ANKFN1: variants seen among roughly 807,000 people sequenced by gnomAD.
ANKFN1 encodes the protein ankyrin repeat and fibronectin type-III domain-containing protein 1.
ANKFN1 carries 74 observed loss-of-function variants against 108.7 expected under a neutral mutation model. That is an observed-to-expected ratio of 0.68 (90% confidence interval 0.56 to 0.83). ANKFN1 has a LOEUF of 0.83. Ranked by LOEUF, ANKFN1 falls within the 40% of genes least tolerant of loss-of-function variation. The pLI is 0.00. For missense variants in ANKFN1, 1,505 were observed against 1,382.3 expected, an observed-to-expected ratio of 1.09 and a Z score of -1.41; for synonymous variants, 547 against 516.2, an observed-to-expected ratio of 1.06 and a Z score of -0.81.
intron 3 of ANKFN1, among the ~76,000 whole-genome samples, chr17:56,251,170 C>A (rs1040596874): frequency 2.0e-5 from 3 of 152,196 alleles, no homozygotes; most frequent in Admixed American, 6.5e-5. Context: ...GTGGGCAGAT[C>A]ATTTGAGTCC....
intron 20 of ANKFN1, among the ~76,000 whole-genome samples, chr17:56,504,967 C>G (rs1318395881): frequency 6.6e-6 from 1 of 152,000 alleles, no homozygotes; most frequent in Non-Finnish European, 1.5e-5. Flanking sequence ...GCCACCGCAC[C>G]CAGCCCACTT....
chr17:56,220,984 A>G (rs935391090), intron 2 of ANKFN1, among the ~76,000 whole-genome samples: 2 of 152,098 alleles, frequency 1.3e-5, no homozygotes, highest in African/African-American at 4.8e-5. Flanking sequence ...AAAGAGGTTT[A>G]ATTGGCTCAT....
intron 3 of ANKFN1, among the ~76,000 whole-genome samples, chr17:56,244,165 A>G (rs1382332087): frequency 6.6e-6 from 1 of 152,150 alleles, no homozygotes; most frequent in Non-Finnish European, 1.5e-5. Flanking sequence ...TTCTCTACTC[A>G]TATCTTGTAA....
chr17:56,152,260 ATATGTGTGTGTGTG>A (rs1372140355), upstream of ANKFN1, among the ~76,000 whole-genome samples: 118 of 128,686 alleles, frequency 9.2e-4, no homozygotes, highest in Middle Eastern at 3.9e-3. Flanking sequence ...ATATATATAT[ATATGTGTGTGTGTG>A]TGTGTGTGTG....
chr17:56,141,948 T>C lies in ANKFN1; in HGVS notation c.289-85969T>C, dbSNP rs529705393. 4.7e-3 allele frequency among the ~76,000 whole-genome samples: 672 copies of C among 144,138 alleles called. 7 individuals are homozygous for C. In the East Asian group the frequency reaches 0.05, roughly 11 times the overall value. 94.6% of individuals were successfully genotyped at this position (144,138 alleles called of 152,430 possible). A position where few individuals can be genotyped will look rare whatever the true frequency, so the allele number is the denominator to read the frequency against. ...CTTTTTTTTTTTTTTTTTTTTTTTT[T>C]GAGATGGAGTCTGGCTCTGTCGCCC... On this transcript the variant is annotated intron_variant, in intron 4 of 12. Transcript: ENST00000635860.
intron 4 of ANKFN1, among the ~76,000 whole-genome samples, chr17:56,109,971 A>G (rs890059768): frequency 6.6e-6 from 1 of 152,224 alleles, no homozygotes; most frequent in African/African-American, 2.4e-5. Context: ...TCATAGGGAC[A>G]TAGAACTTGC....
chr17:56,354,455 G>T (rs1487186626), intron 6 of ANKFN1, among the ~76,000 whole-genome samples: 1 of 152,022 alleles, frequency 6.6e-6, no homozygotes, highest in Non-Finnish European at 1.5e-5. Context: ...CACTGAGTGT[G>T]GGACACTGTT....
At chr17:56,281,248 G>C (rs1483000995) in intron 3 of ANKFN1, among the ~76,000 whole-genome samples, 1 of 152,202 alleles carries the variant, frequency 6.6e-6, no homozygotes, top group Admixed American at 6.5e-5. Context: ...TGTAACACTT[G>C]ACCCTTATTA....
intron 4 of ANKFN1, among the ~76,000 whole-genome samples, chr17:56,064,783 G>A (rs544240395): frequency 2.1e-4 from 32 of 152,352 alleles, no homozygotes; most frequent in East Asian, 1.2e-3. Context: ...GTAGGCTTAA[G>A]CAGATTCCAG....
chr17:56,299,362 A>G (rs1043600805), intron 3 of ANKFN1, among the ~76,000 whole-genome samples: 24 of 152,126 alleles, frequency 1.6e-4, no homozygotes, highest in Non-Finnish European at 4.4e-5. Context: ...CCCAGCAGGA[A>G]GGACTCTGAC....
chr17:56,330,723 TCTTA>T (rs2045640512), intron 4 of ANKFN1, among the ~76,000 whole-genome samples: 1 of 152,156 alleles, frequency 6.6e-6, no homozygotes, highest in South Asian at 2.1e-4. Context: ...TGGGATACTA[TCTTA>T]CTTACTTTTT....
chr17:56,513,856 G>T lies in ANKFN1; in HGVS notation c.*2587G>T, dbSNP rs1567722137. Among the ~76,000 whole-genome samples, 1 of 152,164 alleles carries T rather than the reference G, an allele frequency of 6.6e-6. No individual in the cohort carries two copies. The highest frequency in any genetic ancestry group is 2.4e-5 in the African/African-American group (1 of 41,450). ...TAGCAACATTCTTAAATAAAAGTGG[G>T]TATGTTGTAGCTTCCATAATTAGCT... On this transcript the variant is annotated 3_prime_UTR_variant, in exon 21 of 21. Coordinates refer to ENST00000682825, the MANE Select transcript of ANKFN1 (RefSeq NM_001370326.1).
intron 11 of ANKFN1, among the ~76,000 whole-genome samples, chr17:56,450,277 A>G (rs1170039350): frequency 6.6e-6 from 1 of 152,118 alleles, no homozygotes; most frequent in African/African-American, 2.4e-5. Context: ...AAAGAAAAAA[A>G]AAATCCACAG....
Position 56,196,744 on chromosome 17 carries a change from G to GA in ANKFN1, c.-70-15847dup, listed in dbSNP as rs896712958. On this transcript the variant is annotated intron_variant, in intron 1 of 20. Transcript: ENST00000682825. ...TGACAGAGCAAGACCCTGTCACAAA[G>GA]AAAAAAACAAAAAATCCTGAGAAGG... Among the ~76,000 whole-genome samples the GA allele has an allele frequency of 3.9e-5, 6 of 151,936 alleles. No individual in the cohort carries two copies. The South Asian group carries it at 6.2e-4, about 16-fold the overall frequency.
intron 3 of ANKFN1, among the ~76,000 whole-genome samples, chr17:56,259,836 CT>C (rs2043459295): frequency 6.6e-6 from 1 of 151,602 alleles, no homozygotes; most frequent in Non-Finnish European, 1.5e-5. Context: ...CATACAGTTT[CT>C]TTTTCAGTCC....
At chr17:56,505,225 A>T (rs1163758848) in intron 20 of ANKFN1, among the ~76,000 whole-genome samples, 6 of 152,240 alleles carry the variant, frequency 3.9e-5, no homozygotes, top group Non-Finnish European at 7.3e-5. Context: ...TAGATTAAGT[A>T]AATTAGATCC....
intron 6 of ANKFN1, among the ~76,000 whole-genome samples, chr17:56,361,999 C>G (rs998533279): frequency 3.3e-5 from 5 of 152,074 alleles, no homozygotes; most frequent in African/African-American, 1.2e-4. Context: ...ACAGAACAAC[C>G]CTGGTTGTTC....
intron 20 of ANKFN1, among the ~76,000 whole-genome samples, chr17:56,504,990 A>C (rs1252679111): frequency 1.3e-5 from 2 of 152,072 alleles, no homozygotes; most frequent in Non-Finnish European, 2.9e-5. Context: ...AGTATCTTTG[A>C]CAAACTAAAT....
intron 1 of ANKFN1, among the ~76,000 whole-genome samples, chr17:56,187,152 T>C (rs1391415170): frequency 6.6e-6 from 1 of 152,124 alleles, no homozygotes; most frequent in Admixed American, 6.5e-5. Flanking sequence ...ACAGGCAACC[T>C]ACACAATGGG....
Sources: allele counts gnomAD v4.1 joint callset (sites outside exome capture counted in the v4.1 genomes callset), GRCh38; gene constraint gnomAD v4.1.1; transcripts MANE v1.5; gene names NCBI Gene and HGNC (gene_info 2026-07-23, HGNC 2026-07-21).